DACH1: variants seen among roughly 807,000 people sequenced by gnomAD.
DACH1 encodes dachshund homolog 1.
Under a neutral mutation model 54.2 loss-of-function variants are expected in DACH1, and 12 were observed. The observed-to-expected ratio is 0.22, with a 90% CI of 0.14 to 0.36. DACH1 has a LOEUF of 0.36. Among genes scored for constraint, DACH1 ranks in the 10% least tolerant of loss-of-function variants. The pLI, the probability that DACH1 is intolerant of heterozygous loss-of-function variation, is 1.00. For synonymous variants in DACH1, 386 were observed against 366.2 expected, an observed-to-expected ratio of 1.05 and a Z score of -0.62; for missense variants, 805 against 929.8, an observed-to-expected ratio of 0.87 and a Z score of 1.75.
rs940635725 is a variant in DACH1 at position 71,510,398 on chromosome 13, TA to T, written c.1571-21251del. On this transcript the variant is annotated intron_variant, in intron 6 of 10. Coordinates refer to ENST00000613252, the MANE Select transcript of DACH1 (RefSeq NM_080759.6). ...CTACGGGGATATCTAATAGATATCC[TA>T]AAAAAAATGTTCAAAAAATGAACAC... Among the ~76,000 whole-genome samples the T allele has an allele frequency of 1.8e-3, 280 of 151,788 alleles. 1 individual carries two copies. Among genetic ancestry groups the T allele is most frequent in the African/African-American group, 5.5e-3 (226 of 41,438 alleles).
intron 1 of DACH1, among the ~76,000 whole-genome samples, chr13:71,847,144 C>T (rs1459414207): frequency 6.6e-6 from 1 of 151,996 alleles, no homozygotes; most frequent in African/African-American, 2.4e-5. Flanking sequence ...GCTTAAACTA[C>T]CATTAGCATA....
At position 71,448,824 on chromosome 13, in the gene DACH1, GT is replaced by G. The variant is rs11422735; in HGVS notation, c.2084-8133del. The stretch of plus-strand genomic sequence containing the variant: ...TGAAAAAGTAGTAACAGATTCTGTG[GT>G]TTTTTTTTTTTTTCAAGGTTGTAAC... On this transcript the variant is annotated intron_variant, in intron 10 of 10. Transcript: ENST00000613252. 3.7e-3 allele frequency among the ~76,000 whole-genome samples: 543 copies of G among 145,654 alleles called. 1 individual carries two copies. The highest frequency in any genetic ancestry group is 0.013 in the African/African-American group (500 of 39,656).
chr13:71,592,494 C>CAAAAAAAAAAAAAAAAAAAAA (rs575364116), intron 3 of DACH1, among the ~76,000 whole-genome samples: 4 of 32,780 alleles, frequency 1.2e-4, no homozygotes, highest in African/African-American at 2.3e-4. Flanking sequence ...GACTCTATCT[C>CAAAAAAAAAAAAAAAAAAAAA]AAAAAAAAAA....
chr13:71,457,207 T>C (rs1198716880), intron 10 of DACH1, among the ~76,000 whole-genome samples: 1 of 152,066 alleles, frequency 6.6e-6, no homozygotes, highest in East Asian at 1.9e-4. Flanking sequence ...CTTTTTTGTT[T>C]ATGACTCTAT....
intron 1 of DACH1, among the ~76,000 whole-genome samples, chr13:71,833,709 C>A (rs79712459): frequency 6.6e-6 from 1 of 151,866 alleles, no homozygotes; most frequent in Non-Finnish European, 1.5e-5. Flanking sequence ...CAGTGAGAGA[C>A]GCCACTTAAA....
rs1327743475 is a variant in DACH1 at position 71,540,827 on chromosome 13, T to C, written c.1570+16197A>G. On this transcript the variant is annotated intron_variant, in intron 6 of 10. Coordinates refer to ENST00000613252, the MANE Select transcript of DACH1 (RefSeq NM_080759.6). ...ACAAACTCAACTTCAACTTCTATAA[T>C]ATTGCCTAAATTAAAATGGAAAGAA... Among the ~76,000 whole-genome samples, 3 of 152,146 alleles carry C rather than the reference T, an allele frequency of 2.0e-5. No homozygotes were observed. The East Asian group carries it at 5.8e-4, about 29-fold the overall frequency.
intron 1 of DACH1, among the ~76,000 whole-genome samples, chr13:71,850,104 G>T (rs997547606): frequency 2.0e-5 from 3 of 152,178 alleles, no homozygotes; most frequent in East Asian, 1.9e-4. Context: ...CCTATAATAT[G>T]TTGGGGAAGG....
chr13:71,836,834 T>C (rs1341585749), intron 1 of DACH1, among the ~76,000 whole-genome samples: 3 of 152,104 alleles, frequency 2.0e-5, no homozygotes, highest in Non-Finnish European at 4.4e-5. Context: ...TTATTGATTA[T>C]GTTAATTCTT....
chr13:71,668,776 T>C (rs1228386077), intron 2 of DACH1, among the ~76,000 whole-genome samples: 1 of 151,806 alleles, frequency 6.6e-6, no homozygotes, highest in Non-Finnish European at 1.5e-5. Flanking sequence ...AATACAAAAA[T>C]TAGCCAGGCA....
chr13:71,508,736 G>A (rs1880527547), intron 6 of DACH1, among the ~76,000 whole-genome samples: 1 of 151,956 alleles, frequency 6.6e-6, no homozygotes, highest in Non-Finnish European at 1.5e-5. Context: ...CAATAGTGTT[G>A]GAATTACAGG....
intron 1 of DACH1, among the ~76,000 whole-genome samples, chr13:71,694,584 A>G (rs1400922097): frequency 6.6e-6 from 1 of 152,204 alleles, no homozygotes. Flanking sequence ...GTTATAAGAA[A>G]TTAAGATATA....
chr13:71,711,158 T>G (rs895198783), intron 1 of DACH1, among the ~76,000 whole-genome samples: 2 of 152,116 alleles, frequency 1.3e-5, no homozygotes, highest in African/African-American at 4.8e-5. Flanking sequence ...TAACACTTCA[T>G]GCACTGGGAA....
At chr13:71,637,765 TA>T (rs1355615895) in intron 2 of DACH1, among the ~76,000 whole-genome samples, 4 of 152,130 alleles carry the variant, frequency 2.6e-5, no homozygotes, top group African/African-American at 9.7e-5. Flanking sequence ...TTACTCTCTT[TA>T]AAAAAATGGA....
chr13:71,661,861 G>C (rs945989595), intron 2 of DACH1, among the ~76,000 whole-genome samples: 1 of 151,924 alleles, frequency 6.6e-6, no homozygotes, highest in Non-Finnish European at 1.5e-5. Context: ...ATGAGTGACA[G>C]TCACTCGTTC....
At chr13:71,748,956 CTT>C (rs1884795824) in intron 1 of DACH1, among the ~76,000 whole-genome samples, 8 of 32,574 alleles carry the variant, frequency 2.5e-4, no homozygotes, top group Non-Finnish European at 5.8e-4. Context: ...TTCTTTCTCT[CTT>C]TCTTTCTCTC....
rs1884317901 is a variant in DACH1, at chr13:71,740,116, A to T, written c.849-58206T>A. 3.3e-5 allele frequency among the ~76,000 whole-genome samples: 5 copies of T among 152,288 alleles called. No individual in the cohort carries two copies. The South Asian group carries it at 1.0e-3, about 32-fold the overall frequency. On this transcript the variant is annotated intron_variant, in intron 1 of 10. Coordinates refer to ENST00000613252, the MANE Select transcript of DACH1 (RefSeq NM_080759.6). ...ATCCAGACATTGTCTCGTTAACTAGAATCCCACACGCAAAAGTAGTTCAAC... is the reference window on the plus strand; with the variant it reads ...ATCCAGACATTGTCTCGTTAACTAGTATCCCACACGCAAAAGTAGTTCAAC...
chr13:71,598,168 T>C (rs959274079), intron 3 of DACH1, among the ~76,000 whole-genome samples: 9 of 152,152 alleles, frequency 5.9e-5, no homozygotes, highest in South Asian at 2.1e-4. Flanking sequence ...TATAATTTTG[T>C]TTCATTGGAC....
intron 10 of DACH1, among the ~76,000 whole-genome samples, chr13:71,457,460 C>A (rs1252114542): frequency 3.3e-5 from 5 of 151,958 alleles, no homozygotes; most frequent in East Asian, 1.9e-4. Flanking sequence ...CTGTAAATTT[C>A]TTGGTCCCAG....
chr13:71,815,333 G>A (rs1461827730), intron 1 of DACH1, among the ~76,000 whole-genome samples: 1 of 148,680 alleles, frequency 6.7e-6, no homozygotes, highest in Non-Finnish European at 1.5e-5. Context: ...GGGGGTGGGC[G>A]GGGGGAGTAG....
Sources: gnomAD v4.1 joint callset for allele counts (sites outside exome capture counted in the v4.1 genomes callset) on GRCh38, gnomAD v4.1.1 for gene constraint, MANE v1.5 for transcripts, NCBI Gene and HGNC (gene_info 2026-07-23, HGNC 2026-07-21) for gene names.